The following ACOT1 variants were observed in gnomAD, a reference collection of about 807,000 sequenced individuals.
ACOT1 encodes the protein acyl-coenzyme A thioesterase 1.
Under a neutral mutation model 15.7 loss-of-function variants are expected in ACOT1, and 8 were observed. The ratio of observed to expected loss-of-function variants is 0.51; its 90% confidence interval spans 0.30 to 0.92. The LOEUF is 0.92. Among genes scored for constraint, ACOT1 ranks in the 40% least tolerant of loss-of-function variants. ACOT1 has a pLI of 0.06. For synonymous variants in ACOT1, 67 were observed against 241.2 expected, an observed-to-expected ratio of 0.28 and a Z score of 6.69; for missense variants, 151 against 539.4, an observed-to-expected ratio of 0.28 and a Z score of 7.13.
At chr14:73,520,669 C>T in the ACOT1 span, 2 of 578,398 alleles carry the variant, frequency 3.5e-6, no homozygotes, top group Non-Finnish European at 6.1e-6. Context: ...AGTTCCCTCC[C>T]TATTAGTTAT....
At chr14:73,526,999 C>T in the ACOT1 span, among the ~76,000 whole-genome samples, 6 of 152,006 alleles carry the variant, frequency 3.9e-5, no homozygotes, top group Non-Finnish European at 7.4e-5. Flanking sequence ...CCTGGGTAAC[C>T]GGGGAATTTT....
At chr14:73,502,432 T>G in the ACOT1 span, among the ~76,000 whole-genome samples, 1 of 152,182 alleles carries the variant, frequency 6.6e-6, no homozygotes, top group Admixed American at 6.5e-5. Flanking sequence ...ACTCAATGCT[T>G]CTTTCCCTAG....
the ACOT1 span, among the ~76,000 whole-genome samples, chr14:73,506,825 T>TTTTTTTTC: frequency 1.6e-5 from 2 of 126,132 alleles, no homozygotes; most frequent in African/African-American, 6.7e-5. Flanking sequence ...TTTTTTTTTT[T>TTTTTTTTC]CTGAGAAGGT....
chr14:73,495,412 A>G, the ACOT1 span: 1 of 1,598,106 alleles, frequency 6.3e-7, no homozygotes, highest in Non-Finnish European at 8.6e-7. Flanking sequence ...ATAATGTTTG[A>G]AAAACAAAAC....
chr14:73,508,041 G>A, the ACOT1 span: 5 of 1,222,274 alleles, frequency 4.1e-6, no homozygotes, highest in South Asian at 1.3e-5. Context: ...CCACTGCCCC[G>A]GCCCCAGCTG....
the ACOT1 span, among the ~76,000 whole-genome samples, chr14:73,496,313 A>AT: frequency 3.9e-5 from 6 of 152,134 alleles, no homozygotes; most frequent in African/African-American, 1.4e-4. Flanking sequence ...TTTGGGGTTG[A>AT]TGGGGAGAAA....
the ACOT1 span, among the ~76,000 whole-genome samples, chr14:73,517,679 AAAG>A: frequency 7.6e-4 from 114 of 149,802 alleles, no homozygotes; most frequent in African/African-American, 2.0e-3. Context: ...AAAAAAAAAA[AAAG>A]AAGAAGAAAA....
the ACOT1 span, among the ~76,000 whole-genome samples, chr14:73,515,451 G>A: frequency 1.3e-5 from 2 of 151,918 alleles, no homozygotes; most frequent in Non-Finnish European, 2.9e-5. Context: ...AGGCCAAAGC[G>A]GGTGGATCAC....
the ACOT1 span, among the ~76,000 whole-genome samples, chr14:73,527,562 A>AAT: frequency 6.6e-6 from 1 of 151,298 alleles, no homozygotes. Context: ...AAGAAAAAAA[A>AAT]TCAAGCATCA....
chr14:73,501,319 GT>G, the ACOT1 span, among the ~76,000 whole-genome samples: 1 of 152,004 alleles, frequency 6.6e-6, no homozygotes, highest in Non-Finnish European at 1.5e-5. Flanking sequence ...TAGAGATGGG[GT>G]TTCACTATGT....
chr14:73,508,075 T>A, the ACOT1 span: 1 of 1,500,058 alleles, frequency 6.7e-7, no homozygotes, highest in African/African-American at 1.4e-5. Flanking sequence ...TTACATTCAC[T>A]GACCTCAAAG....
At chr14:73,499,194 G>A in the ACOT1 span, 1 of 1,507,950 alleles carries the variant, frequency 6.6e-7, no homozygotes, top group African/African-American at 1.4e-5. Flanking sequence ...GAATGAACCA[G>A]AAACAGCTGG....
chr14:73,521,400 T>C, the ACOT1 span, among the ~76,000 whole-genome samples: 2 of 152,116 alleles, frequency 1.3e-5, no homozygotes, highest in Admixed American at 6.6e-5. Flanking sequence ...TCTCACTCTG[T>C]CTATTCTGTG....
chr14:73,525,905 A>G, the ACOT1 span, among the ~76,000 whole-genome samples: 1 of 152,052 alleles, frequency 6.6e-6, no homozygotes, highest in Admixed American at 6.6e-5. Context: ...GTGAGACGAA[A>G]TGGTGCCACT....
chr14:73,509,876 ATTTT>A, the ACOT1 span, among the ~76,000 whole-genome samples: 1 of 82,292 alleles, frequency 1.2e-5, no homozygotes, highest in Admixed American at 1.5e-4. Context: ...ATATTTATTT[ATTTT>A]ATATATTTTT....
the ACOT1 span, among the ~76,000 whole-genome samples, chr14:73,515,401 G>A: frequency 1.3e-5 from 2 of 151,226 alleles, no homozygotes; most frequent in South Asian, 2.1e-4. Flanking sequence ...CCTGTGAGGC[G>A]GGGTGCAGTG....
chr14:73,521,469 A>C, the ACOT1 span, among the ~76,000 whole-genome samples: 1 of 152,210 alleles, frequency 6.6e-6, no homozygotes, highest in Non-Finnish European at 1.5e-5. Context: ...CCTTAAAGGT[A>C]CATATCTGTG....
At chr14:73,491,803 G>A in the ACOT1 span, 7 of 1,597,514 alleles carry the variant, frequency 4.4e-6, no homozygotes, top group East Asian at 1.4e-4. Flanking sequence ...GCCAGCATTT[G>A]GACGCCGCTC....
At chr14:73,500,325 A>G in the ACOT1 span, among the ~76,000 whole-genome samples, 2 of 148,384 alleles carry the variant, frequency 1.3e-5, no homozygotes, top group Non-Finnish European at 3.0e-5. Flanking sequence ...GTGTTAGTGT[A>G]CTTTATATGT....
Sources: allele counts gnomAD v4.1 joint callset (sites outside exome capture counted in the v4.1 genomes callset), GRCh38; gene constraint gnomAD v4.1.1; transcripts MANE v1.5; gene names NCBI Gene and HGNC (gene_info 2026-07-23, HGNC 2026-07-21).